The following UBE2G1 variants were observed in gnomAD, a reference collection of about 807,000 sequenced individuals.
The protein encoded by UBE2G1 is ubiquitin-conjugating enzyme E2 G1.
UBE2G1 carries 5 observed loss-of-function variants against 22.7 expected under a neutral mutation model. That is an observed-to-expected ratio of 0.22 (90% confidence interval 0.12 to 0.46). The LOEUF (loss-of-function observed/expected upper bound fraction) is 0.46, where lower values mean the gene tolerates loss of function less well. Among genes scored for constraint, UBE2G1 ranks in the 20% least tolerant of loss-of-function variants. The pLI is 0.99. For synonymous variants in UBE2G1, 74 were observed against 67.5 expected, an observed-to-expected ratio of 1.10 and a Z score of -0.47; for missense variants, 88 against 203.9, an observed-to-expected ratio of 0.43 and a Z score of 3.46.
chr17:4,301,539 C>T, intron 2 of UBE2G1: 2 of 1,303,868 alleles, frequency 1.5e-6, no homozygotes, highest in Non-Finnish European at 2.2e-6. Context: ...ATTCATGCTG[C>T]TATATGCCTG....
At chr17:4,294,923 G>C (rs1293235151) in intron 3 of UBE2G1, among the ~76,000 whole-genome samples, 1 of 151,448 alleles carries the variant, frequency 6.6e-6, no homozygotes, top group African/African-American at 2.4e-5. Context: ...GACGGAATGG[G>C]AGAAACGTAC....
chr17:4,337,682 AAAG>A (rs1217606869), intron 1 of UBE2G1, among the ~76,000 whole-genome samples: 4 of 151,926 alleles, frequency 2.6e-5, no homozygotes, highest in Admixed American at 2.6e-4. Context: ...GAAAAAATAA[AAAG>A]AAGAGAAAAA....
chr17:4,270,858 T>TA lies in UBE2G1; in HGVS notation c.*1695dup. On this transcript the variant is annotated 3_prime_UTR_variant, in exon 6 of 6. Transcript: ENST00000396981. ...CATCCTCAACCATTTTATTTCTGCT[T>TA]AAAAAAGGACATACAACGTTTGTAG... 6.6e-6 allele frequency: 1 copy of TA among 152,280 alleles called. No homozygotes were observed. The allele number at this position is 152,280 out of a possible 1,614,324, so 9.4% of individuals were successfully genotyped here.
intron 5 of UBE2G1, among the ~76,000 whole-genome samples, chr17:4,282,246 C>G (rs920996863): frequency 6.6e-6 from 1 of 152,096 alleles, no homozygotes; most frequent in African/African-American, 2.4e-5. Context: ...CCAGGCCTGG[C>G]TAATTTTTGT....
intron 1 of UBE2G1, among the ~76,000 whole-genome samples, chr17:4,309,349 A>G (rs1022017715): frequency 3.9e-5 from 6 of 152,240 alleles, no homozygotes; most frequent in African/African-American, 1.4e-4. Flanking sequence ...ACATTTTTGC[A>G]TAACAGGCAA....
intron 2 of UBE2G1, among the ~76,000 whole-genome samples, chr17:4,300,555 TAATAAATA>T (rs879719250): frequency 1.3e-5 from 2 of 151,748 alleles, no homozygotes; most frequent in Non-Finnish European, 2.9e-5. Flanking sequence ...AAAATAATAA[TAATAAATA>T]AATAAATAAA....
chr17:4,290,361 G>A (rs1231184060), intron 3 of UBE2G1, among the ~76,000 whole-genome samples: 1 of 152,178 alleles, frequency 6.6e-6, no homozygotes, highest in Admixed American at 6.5e-5. Context: ...CATAACATCA[G>A]TATTTCTGCT....
At chr17:4,285,727 G>A (rs551872808) in intron 4 of UBE2G1, among the ~76,000 whole-genome samples, 5 of 152,044 alleles carry the variant, frequency 3.3e-5, no homozygotes, top group Admixed American at 2.0e-4. Context: ...CGAGGCAGGC[G>A]GATCACGACA....
chr17:4,274,364 A>T (rs904578306), intron 5 of UBE2G1, among the ~76,000 whole-genome samples: 8 of 151,922 alleles, frequency 5.3e-5, no homozygotes, highest in Non-Finnish European at 1.2e-4. Flanking sequence ...TGCCCGGCTA[A>T]TTTTTTGTAT....
chr17:4,294,415 CAAAAAAAAAAA>C (rs68047533), intron 3 of UBE2G1, among the ~76,000 whole-genome samples: 12 of 117,176 alleles, frequency 1.0e-4, no homozygotes, highest in Admixed American at 3.4e-4. Context: ...GACTCCGTCT[CAAAAAAAAAAA>C]AAAAAAAAAA....
chr17:4,329,111 A>G (rs1969537043), intron 1 of UBE2G1, among the ~76,000 whole-genome samples: 1 of 35,962 alleles, frequency 2.8e-5, no homozygotes, highest in South Asian at 5.8e-4. Context: ...CTCAAAAAGA[A>G]AAAAAAAAAA....
intron 5 of UBE2G1, among the ~76,000 whole-genome samples, chr17:4,279,785 T>TATATATATA (rs1968862385): frequency 2.9e-5 from 2 of 68,852 alleles, no homozygotes; most frequent in Non-Finnish European, 6.8e-5. Context: ...CAAAAAAAAG[T>TATATATATA]TATATATATA....
intron 1 of UBE2G1, among the ~76,000 whole-genome samples, chr17:4,360,579 A>G (rs1031505379): frequency 2.6e-5 from 4 of 152,258 alleles, no homozygotes; most frequent in African/African-American, 9.6e-5. Context: ...ACAACTATAT[A>G]TGGAAATATC....
chr17:4,357,727 T>C (rs879751266), intron 1 of UBE2G1, among the ~76,000 whole-genome samples: 4 of 151,814 alleles, frequency 2.6e-5, no homozygotes, highest in Non-Finnish European at 5.9e-5. Context: ...AGACCACCCA[T>C]AAAGAAGGAC....
chr17:4,284,834 C>CTT (rs200271235), intron 4 of UBE2G1, among the ~76,000 whole-genome samples: 1 of 83,488 alleles, frequency 1.2e-5, no homozygotes, highest in African/African-American at 4.4e-5. Context: ...CTTTTCTTTT[C>CTT]TTTCTTTTTT....
rs58462791 is a variant in UBE2G1, at chr17:4,312,695, C to CAAAA, written c.47-5576_47-5573dup. Among the ~76,000 whole-genome samples the CAAAA allele has an allele frequency of 3.3e-4, 25 of 76,864 alleles. 1 individual carries two copies. Among genetic ancestry groups the CAAAA allele is most frequent in the African/African-American group, 7.0e-4 (14 of 20,078 alleles). 50.4% of individuals were successfully genotyped at this position (76,864 alleles called of 152,430 possible). Reference sequence around the variant, plus strand: ...TGGGCGATAGAGCAAGACTCCATCTCAAAAAAAAAAAAAAAAAAAACAAAA... The same window carrying CAAAA: ...TGGGCGATAGAGCAAGACTCCATCTCAAAAAAAAAAAAAAAAAAAAAAAACAAAA... On this transcript the variant is annotated intron_variant, in intron 1 of 5. Transcript: ENST00000396981.
At chr17:4,327,003 A>T (rs902006802) in intron 1 of UBE2G1, among the ~76,000 whole-genome samples, 2 of 152,212 alleles carry the variant, frequency 1.3e-5, no homozygotes, top group Non-Finnish European at 2.9e-5. Flanking sequence ...CTCTACTAAA[A>T]TACAAAAATT....
chr17:4,306,703 G>A (rs1375957875), intron 2 of UBE2G1, among the ~76,000 whole-genome samples: 4 of 151,696 alleles, frequency 2.6e-5, no homozygotes, highest in Non-Finnish European at 5.9e-5. Context: ...CCAGGCTGGA[G>A]TGCAATGGCG....
chr17:4,347,495 CAT>C lies in UBE2G1; in HGVS notation c.46+18774_46+18775del, dbSNP rs1282289766. ...TTTTTTTTTTTTTTTTTTTTTTGGA[CAT>C]AGAGTCTCGCTCTGTCACCCAGACT... is the stretch of plus-strand genomic sequence containing the variant. On this transcript the variant is annotated intron_variant, in intron 1 of 5. Coordinates refer to ENST00000396981, the MANE Select transcript of UBE2G1 (RefSeq NM_003342.5). Among the ~76,000 whole-genome samples, 9 of 44,290 alleles carry C rather than the reference CAT, an allele frequency of 2.0e-4. No homozygotes were observed. The South Asian group carries it at 5.5e-3, about 27-fold the overall frequency. 29.1% of individuals were successfully genotyped at this position (44,290 alleles called of 152,430 possible).
Sources: allele counts gnomAD v4.1 joint callset (sites outside exome capture counted in the v4.1 genomes callset), GRCh38; gene constraint gnomAD v4.1.1; transcripts MANE v1.5; gene names NCBI Gene and HGNC (gene_info 2026-07-23, HGNC 2026-07-21).